The following NRF1 variants were observed in gnomAD, a reference collection of about 807,000 sequenced individuals.
The protein encoded by NRF1 is nuclear respiratory factor 1.
Under a neutral mutation model 58.5 loss-of-function variants are expected in NRF1, and 5 were observed. The ratio of observed to expected loss-of-function variants is 0.09; its 90% CI spans 0.04 to 0.18. The LOEUF is 0.18. Among genes scored for constraint, NRF1 ranks in the 10% least tolerant of loss-of-function variants. The pLI is 1.00. For synonymous variants in NRF1, 224 were observed against 246.7 expected (o/e 0.91, Z 0.86); for missense variants, 288 against 657.7 (o/e 0.44, Z 6.15).
chr7:129,696,075 A>C (rs1584649467), intron 5 of NRF1, among the ~76,000 whole-genome samples: 1 of 143,260 alleles, frequency 7.0e-6, no homozygotes, highest in East Asian at 2.1e-4. Context: ...AAAAAAAAAA[A>C]AAAAAAAAAA....
intron 1 of NRF1, among the ~76,000 whole-genome samples, chr7:129,639,334 A>G (rs1316542025): frequency 6.6e-6 from 1 of 152,088 alleles, no homozygotes; most frequent in Non-Finnish European, 1.5e-5. Flanking sequence ...TCTTCCATAT[A>G]TACTTGATTT....
At chr7:129,703,254 A>T (rs1368368050) in intron 5 of NRF1, among the ~76,000 whole-genome samples, 3 of 152,166 alleles carry the variant, frequency 2.0e-5, no homozygotes, top group Non-Finnish European at 4.4e-5. Flanking sequence ...CTAGAGCCCT[A>T]AATCAGAATG....
intron 4 of NRF1, among the ~76,000 whole-genome samples, chr7:129,678,308 G>C (rs1802230053): frequency 6.6e-6 from 1 of 152,084 alleles, no homozygotes; most frequent in African/African-American, 2.4e-5. Flanking sequence ...TATACAATAG[G>C]AACTATTCTT....
chr7:129,653,976 TG>T (rs1801595342), intron 1 of NRF1, among the ~76,000 whole-genome samples: 1 of 152,214 alleles, frequency 6.6e-6, no homozygotes, highest in Non-Finnish European at 1.5e-5. Context: ...TCAACTCCTT[TG>T]GGTCAATACA....
In NRF1 at chr7:129,719,897, G is replaced by A. The variant is rs569268070; in HGVS notation, c.1223+2521G>A. On this transcript the variant is annotated intron_variant, in intron 9 of 10. Coordinates refer to ENST00000393232, the MANE Select transcript of NRF1 (RefSeq NM_005011.5). ...AAACTTGATTTCATTGAGACTTGCAGCCAACACCTTGGATATTCCAGTGAA... is the reference window on the plus strand; with the variant it reads ...AAACTTGATTTCATTGAGACTTGCAACCAACACCTTGGATATTCCAGTGAA... 6.6e-5 allele frequency among the ~76,000 whole-genome samples: 10 copies of A among 152,246 alleles called. No homozygotes were observed. In the South Asian group the frequency reaches 2.1e-3, roughly 32 times the overall value.
intron 5 of NRF1, among the ~76,000 whole-genome samples, chr7:129,703,637 T>C (rs1322241892): frequency 6.6e-6 from 1 of 152,204 alleles, no homozygotes; most frequent in African/African-American, 2.4e-5. Context: ...AAAATACCCT[T>C]CATTCCCAAA....
intron 1 of NRF1, among the ~76,000 whole-genome samples, chr7:129,652,872 G>A (rs185873520): frequency 8.3e-4 from 126 of 152,346 alleles, no homozygotes; most frequent in Middle Eastern, 3.4e-3. Context: ...GATTACAGGC[G>A]TGAGCCACCG....
At chr7:129,712,756 A>T (rs1268906424) in intron 8 of NRF1, among the ~76,000 whole-genome samples, 1 of 152,174 alleles carries the variant, frequency 6.6e-6, no homozygotes, top group Non-Finnish European at 1.5e-5. Flanking sequence ...GACACTGAAA[A>T]ACTTGGTTAT....
chr7:129,731,265 C>T (rs1199044583), intron 10 of NRF1, among the ~76,000 whole-genome samples: 1 of 130,120 alleles, frequency 7.7e-6, no homozygotes, highest in Non-Finnish European at 1.7e-5. Context: ...AGCAAGACTC[C>T]GTCTTGAAAA....
chr7:129,707,227 C>T (rs2116183222), intron 5 of NRF1, among the ~76,000 whole-genome samples: 1 of 152,302 alleles, frequency 6.6e-6, no homozygotes. Context: ...CTCCTGGTCT[C>T]AAGCATTCTG....
rs548726909 is a variant in NRF1 at position 129,646,163 on chromosome 7, T to C, written c.-6-11183T>C. ...CAGGCCTGTGAGACATTTTATACTC[T>C]ATAGCTTAGCATCTTTTTAATGATT... On this transcript the variant is annotated intron_variant, in intron 1 of 10. Coordinates refer to ENST00000393232, the MANE Select transcript of NRF1 (RefSeq NM_005011.5). 6.6e-5 allele frequency among the ~76,000 whole-genome samples: 10 copies of C among 152,322 alleles called. No individual in the cohort carries two copies. In the South Asian group the frequency reaches 2.1e-3, roughly 32 times the overall value.
intron 2 of NRF1, among the ~76,000 whole-genome samples, chr7:129,669,404 C>T (rs953596669): frequency 1.3e-5 from 2 of 152,120 alleles, no homozygotes; most frequent in Non-Finnish European, 2.9e-5. Context: ...TTAGGGGGAT[C>T]ATATTGATAT....
intron 3 of NRF1, among the ~76,000 whole-genome samples, chr7:129,673,335 C>T (rs960588650): frequency 2.0e-5 from 3 of 152,174 alleles, no homozygotes; most frequent in African/African-American, 7.2e-5. Flanking sequence ...TTGCCCACCA[C>T]ATTTCAGAAT....
chr7:129,665,271 G>C (rs1801893477), intron 2 of NRF1, among the ~76,000 whole-genome samples: 1 of 152,220 alleles, frequency 6.6e-6, no homozygotes, highest in Admixed American at 6.5e-5. Flanking sequence ...GGAATTTCGA[G>C]AGGCAGCAGA....
intron 1 of NRF1, among the ~76,000 whole-genome samples, chr7:129,644,002 CT>C (rs1045109945): frequency 6.6e-6 from 1 of 152,168 alleles, no homozygotes; most frequent in East Asian, 1.9e-4. Context: ...CTGCAGTGCC[CT>C]TTTTTTCATT....
intron 1 of NRF1, among the ~76,000 whole-genome samples, chr7:129,637,417 T>C (rs1389086421): frequency 2.6e-5 from 4 of 152,174 alleles, no homozygotes; most frequent in Admixed American, 6.5e-5. Context: ...GAAGAAGAGC[T>C]TATGCTGTTT....
chr7:129,708,654 A>G (rs962362141), intron 5 of NRF1, among the ~76,000 whole-genome samples: 1 of 152,192 alleles, frequency 6.6e-6, no homozygotes, highest in Non-Finnish European at 1.5e-5. Flanking sequence ...TAATGATTTT[A>G]TCAGCTCGCC....
intron 1 of NRF1, among the ~76,000 whole-genome samples, chr7:129,634,018 A>T (rs1801109776): frequency 7.9e-6 from 1 of 127,118 alleles, no homozygotes; most frequent in Admixed American, 8.2e-5. Flanking sequence ...TTGTTTTTTT[A>T]CATCTGTATT....
intron 1 of NRF1, among the ~76,000 whole-genome samples, chr7:129,614,408 G>T (rs1368402954): frequency 6.8e-6 from 1 of 147,742 alleles, no homozygotes; most frequent in Admixed American, 6.7e-5. Flanking sequence ...GAGCCAATGC[G>T]CCTGGCCCAA....
Sources: gnomAD v4.1 joint callset for allele counts (sites outside exome capture counted in the v4.1 genomes callset) on GRCh38, gnomAD v4.1.1 for gene constraint, MANE v1.5 for transcripts, NCBI Gene and HGNC (gene_info 2026-07-23, HGNC 2026-07-21) for gene names.